Variants in RP1 observed in about 807,000 individuals in gnomAD.
RP1 encodes RP1 axonemal microtubule associated.
A neutral mutation model predicts 14.8 loss-of-function variants in RP1; 16 were observed. The observed-to-expected ratio is 1.08, with a 90% CI of 0.73 to 1.65. The LOEUF is 1.65. Among genes scored for constraint, RP1 ranks in the 40% most tolerant of loss-of-function variants. RP1 has a pLI of 0.00. For synonymous variants in RP1, 876 were observed against 883.6 expected, an observed-to-expected ratio of 0.99 and a Z score of 0.15; for missense variants, 2,631 against 2,535.0, an observed-to-expected ratio of 1.04 and a Z score of -0.81.
chr8:54,705,387 G>A (rs1808125435), intron 14 of RP1, among the ~76,000 whole-genome samples: 2 of 152,222 alleles, frequency 1.3e-5, no homozygotes, highest in Non-Finnish European at 2.9e-5. Flanking sequence ...CAGCACTGGT[G>A]TGTGACAGTA....
intron 12 of RP1, among the ~76,000 whole-genome samples, chr8:54,687,613 A>G (rs1043799103): frequency 6.6e-6 from 1 of 152,102 alleles, no homozygotes; most frequent in Non-Finnish European, 1.5e-5. Flanking sequence ...TTCCAGTTTC[A>G]TCCATGTCTC....
At chr8:54,817,737 C>A (rs773782977) in intron 24 of RP1, among the ~76,000 whole-genome samples, 5 of 152,128 alleles carry the variant, frequency 3.3e-5, no homozygotes, top group Non-Finnish European at 1.5e-5. Context: ...GACTCTAGAA[C>A]ACCTCATTAT....
intron 3 of RP1, among the ~76,000 whole-genome samples, chr8:54,623,048 AAT>A: frequency 6.6e-6 from 1 of 152,190 alleles, no homozygotes; most frequent in Admixed American, 6.5e-5. Flanking sequence ...AGACTTGGAT[AAT>A]ATGTATTTTA....
Position 54,829,500 on chromosome 8 carries a change from C to T in RP1, c.3616-7950C>T, listed in dbSNP as rs1585728372. On this transcript the variant is annotated intron_variant, in intron 24 of 28. Transcript: ENST00000637698. ...TAAAGTGTACAAAGCAGAAGAATCA[C>T]AAGTATGTTTTTGGAGGAGACAGAA... Among the ~76,000 whole-genome samples the T allele has an allele frequency of 2.0e-5, 3 of 152,162 alleles. No homozygotes were observed. The South Asian group carries it at 6.2e-4, about 32-fold the overall frequency.
intron 3 of RP1, among the ~76,000 whole-genome samples, chr8:54,638,879 C>CTT (rs1806403117): frequency 8.8e-6 from 1 of 113,546 alleles, no homozygotes; most frequent in African/African-American, 4.3e-5. Context: ...TTTTAATTTT[C>CTT]TTCTCTCTCT....
At chr8:54,646,315 T>C (rs1806549409) in intron 3 of RP1, among the ~76,000 whole-genome samples, 1 of 151,992 alleles carries the variant, frequency 6.6e-6, no homozygotes, top group South Asian at 2.1e-4. Flanking sequence ...CCCTCTTTTC[T>C]GTCTCCTTCT....
At chr8:54,818,446 A>C (rs888942953) in intron 24 of RP1, among the ~76,000 whole-genome samples, 1 of 152,164 alleles carries the variant, frequency 6.6e-6, no homozygotes, top group South Asian at 2.1e-4. Context: ...TTAGCTTGAG[A>C]CTCTTTGTTC....
chr8:54,705,111 A>G (rs1421479598), intron 14 of RP1, among the ~76,000 whole-genome samples: 1 of 152,188 alleles, frequency 6.6e-6, no homozygotes, highest in Non-Finnish European at 1.5e-5. Context: ...GTTAGGGGGA[A>G]CAGTCTATAA....
intron 6 of RP1, among the ~76,000 whole-genome samples, chr8:54,661,631 A>C (rs1380524972): frequency 6.6e-6 from 1 of 152,194 alleles, no homozygotes; most frequent in African/African-American, 2.4e-5. Context: ...AACTGATGTG[A>C]AAATCCAGAG....
At chr8:54,743,628 A>AT (rs1809151229) in intron 19 of RP1, among the ~76,000 whole-genome samples, 1 of 151,608 alleles carries the variant, frequency 6.6e-6, no homozygotes, top group African/African-American at 2.4e-5. Context: ...AAGCCCCTAT[A>AT]TTTTTTTCAC....
intron 12 of RP1, among the ~76,000 whole-genome samples, chr8:54,689,523 G>T (rs1807658638): frequency 6.6e-6 from 1 of 152,008 alleles, no homozygotes; most frequent in African/African-American, 2.4e-5. Context: ...GGTTACAAAG[G>T]ATGCTAAGTC....
chr8:54,813,199 A>C (rs183614130), intron 24 of RP1, among the ~76,000 whole-genome samples: 3 of 152,336 alleles, frequency 2.0e-5, no homozygotes, highest in Non-Finnish European at 1.5e-5. Flanking sequence ...CAACATCTAC[A>C]TGGTTCCCAT....
chr8:54,741,696 C>A (rs1194627516), intron 19 of RP1, among the ~76,000 whole-genome samples: 6 of 83,040 alleles, frequency 7.2e-5, no homozygotes, highest in East Asian at 6.7e-4. Context: ...CATATAAATA[C>A]AAATGTGTGT....
In RP1 at chr8:54,663,205, G is replaced by C. The variant is rs551035782; in HGVS notation, c.1172-494G>C. Among the ~76,000 whole-genome samples the C allele has an allele frequency of 2.0e-5, 3 of 151,938 alleles. No individual in the cohort carries two copies. In the South Asian group the frequency reaches 6.2e-4, roughly 32 times the overall value. ...TAGTAGCCATCATGCTTATTGTATC[G>C]ACTGTCACAGCATCGTAGTGCTTGT... On this transcript the variant is annotated intron_variant, in intron 6 of 22. Transcript: ENST00000636932.
At chr8:54,675,917 G>A (rs755404867) in intron 8 of RP1, among the ~76,000 whole-genome samples, 10 of 152,128 alleles carry the variant, frequency 6.6e-5, no homozygotes, top group Non-Finnish European at 1.0e-4. Flanking sequence ...CACTTCTGGA[G>A]GCTGAGAAGT....
intron 23 of RP1, among the ~76,000 whole-genome samples, chr8:54,777,350 G>A (rs1031014002): frequency 6.6e-6 from 1 of 152,108 alleles, no homozygotes; most frequent in Non-Finnish European, 1.5e-5. Flanking sequence ...TACAATAATC[G>A]GTGGTAAATA....
intron 1 of RP1, among the ~76,000 whole-genome samples, chr8:54,610,649 T>C (rs890724900): frequency 6.6e-5 from 10 of 152,200 alleles, no homozygotes; most frequent in African/African-American, 2.4e-4. Context: ...AACTCCATTC[T>C]TCCAGATGTA....
chr8:54,755,549 C>A, intron 20 of RP1: 1 of 1,444,046 alleles, frequency 6.9e-7, no homozygotes, highest in Non-Finnish European at 9.4e-7. Context: ...ACCTATGGAT[C>A]TGGGTTCTGT....
intron 24 of RP1, among the ~76,000 whole-genome samples, chr8:54,792,070 C>T (rs1810477917): frequency 6.6e-6 from 1 of 151,842 alleles, no homozygotes; most frequent in Non-Finnish European, 1.5e-5. Flanking sequence ...TTATATCATA[C>T]AAATTGACCT....
Sources: gnomAD v4.1 joint callset for allele counts (sites outside exome capture counted in the v4.1 genomes callset) on GRCh38, gnomAD v4.1.1 for gene constraint, MANE v1.5 for transcripts, NCBI Gene and HGNC (gene_info 2026-07-23, HGNC 2026-07-21) for gene names.